The following PTPN3 variants were observed in gnomAD, a reference collection of about 807,000 sequenced individuals.
PTPN3 encodes tyrosine-protein phosphatase non-receptor type 3.
A neutral mutation model predicts 132.7 loss-of-function variants in PTPN3; 96 were observed. That is an observed-to-expected ratio of 0.72 (90% CI 0.61 to 0.86). The LOEUF is 0.86. Ranked by LOEUF, PTPN3 falls within the 40% of genes least tolerant of loss-of-function variation. The probability of loss-of-function intolerance (pLI) is 0.00; values close to 1 mark genes in which losing one functional copy is unlikely to be tolerated. For missense variants in PTPN3, 1,125 were observed against 1,159.6 expected, an observed-to-expected ratio of 0.97 and a Z score of 0.43; for synonymous variants, 398 against 429.0, an observed-to-expected ratio of 0.93 and a Z score of 0.89.
intron 1 of PTPN3, among the ~76,000 whole-genome samples, chr9:109,475,364 T>G (rs1846606710): frequency 6.6e-6 from 1 of 152,212 alleles, no homozygotes; most frequent in Non-Finnish European, 1.5e-5. Flanking sequence ...AATGAATACC[T>G]CATTCTTGGA....
At chr9:109,409,564 C>T (rs377327056) in intron 16 of PTPN3, among the ~76,000 whole-genome samples, 2 of 152,176 alleles carry the variant, frequency 1.3e-5, no homozygotes, top group Admixed American at 6.5e-5. Context: ...CGGTGGTTCA[C>T]GCCTGTAATC....
intron 15 of PTPN3, 33 bp downstream of exon 15, chr9:109,410,196 G>A (rs1180570558): frequency 1.2e-6 from 2 of 1,611,780 alleles, no homozygotes; most frequent in East Asian, 2.2e-5. Flanking sequence ...AGCCCTGGGT[G>A]TGTGGATCAC....
the PTPN3 span, among the ~76,000 whole-genome samples, chr9:109,536,991 G>A: frequency 2.0e-5 from 3 of 151,952 alleles, no homozygotes; most frequent in South Asian, 6.2e-4. Context: ...TGGAGTGTGC[G>A]TTTGAGGGAA....
At chr9:109,434,194 A>G (rs532506687) in intron 9 of PTPN3, among the ~76,000 whole-genome samples, 140 of 152,386 alleles carry the variant, frequency 9.2e-4, no homozygotes, top group African/African-American at 3.2e-3. Context: ...CCCAGGCTGG[A>G]GTGCAGTGGT....
At position 109,438,108 on chromosome 9, in the gene PTPN3, C is replaced by G. The variant is rs368373473; in HGVS notation, c.587+6G>C. The G allele has an allele frequency of 1.1e-5, 18 of 1,612,484 alleles. No homozygotes were observed. Among genetic ancestry groups the G allele is most frequent in the Admixed American group, 1.7e-5 (1 of 59,786 alleles). On this transcript the variant is annotated splice_donor_region_variant and intron_variant, in intron 8 of 25. Transcript: ENST00000374541. ...CCCCAAAGTAGGCCACCCCAGCCCC[C>G]CTCACCTGTGCTGCTCATGCAGAGA...
chr9:109,451,901 G>T (rs373070795), intron 5 of PTPN3, among the ~76,000 whole-genome samples: 1 of 152,164 alleles, frequency 6.6e-6, no homozygotes, highest in Non-Finnish European at 1.5e-5. Flanking sequence ...AGGCAGTGCC[G>T]TCCAGACTTG....
chr9:109,394,205 T>G (rs1840368159), intron 19 of PTPN3, among the ~76,000 whole-genome samples: 1 of 152,210 alleles, frequency 6.6e-6, no homozygotes, highest in Non-Finnish European at 1.5e-5. Context: ...ATTAAGTGAA[T>G]ATACAATTAA....
the PTPN3 span, among the ~76,000 whole-genome samples, chr9:109,514,061 G>A: frequency 6.6e-6 from 1 of 152,084 alleles, no homozygotes; most frequent in African/African-American, 2.4e-5. Flanking sequence ...CAAGCCGCAT[G>A]TCCCAAGATC....
intron 1 of PTPN3, among the ~76,000 whole-genome samples, chr9:109,481,962 G>C (rs1037106283): frequency 1.3e-5 from 2 of 152,200 alleles, no homozygotes; most frequent in Non-Finnish European, 2.9e-5. Flanking sequence ...AAACTCCCCC[G>C]CCTTTCGGTC....
At chr9:109,469,962 T>C (rs989476250) in intron 1 of PTPN3, among the ~76,000 whole-genome samples, 2 of 152,110 alleles carry the variant, frequency 1.3e-5, no homozygotes, top group Non-Finnish European at 2.9e-5. Context: ...CTTTTTGCAG[T>C]ATAGAAGCCC....
At chr9:109,487,960 G>C (rs530990116) in intron 1 of PTPN3, among the ~76,000 whole-genome samples, 3 of 152,190 alleles carry the variant, frequency 2.0e-5, no homozygotes, top group Non-Finnish European at 2.9e-5. Context: ...ATCCAGAAAA[G>C]AGGGAGCCGG....
chr9:109,395,830 GTA>G (rs1269000254), intron 19 of PTPN3, among the ~76,000 whole-genome samples: 1 of 141,636 alleles, frequency 7.1e-6, no homozygotes, highest in Non-Finnish European at 1.5e-5. Flanking sequence ...CTATATATAT[GTA>G]TATATTTTTT....
intron 25 of PTPN3, among the ~76,000 whole-genome samples, chr9:109,379,898 G>A (rs1379025370): frequency 3.3e-5 from 5 of 152,168 alleles, no homozygotes; most frequent in Non-Finnish European, 7.3e-5. Context: ...AAAAGTCCCT[G>A]CGGGACAGCC....
chr9:109,443,823 G>A (rs902768227), intron 7 of PTPN3, among the ~76,000 whole-genome samples: 6 of 152,186 alleles, frequency 3.9e-5, no homozygotes, highest in Non-Finnish European at 8.8e-5. Context: ...AGGAGGAGGC[G>A]ATGCAGGTAT....
chr9:109,403,514 G>C (rs994361617), intron 19 of PTPN3, among the ~76,000 whole-genome samples: 1 of 151,902 alleles, frequency 6.6e-6, no homozygotes, highest in Admixed American at 6.6e-5. Flanking sequence ...TTTATTACAG[G>C]AATTACTCTG....
At chr9:109,451,716 G>T (rs867418448) in intron 5 of PTPN3, among the ~76,000 whole-genome samples, 1 of 152,224 alleles carries the variant, frequency 6.6e-6, no homozygotes, top group Non-Finnish European at 1.5e-5. Context: ...GCGTATGGAA[G>T]TGGATGGCCA....
chr9:109,380,263 A>ATCTATCTG (rs1216729947), intron 25 of PTPN3, among the ~76,000 whole-genome samples: 1 of 150,912 alleles, frequency 6.6e-6, no homozygotes, highest in Non-Finnish European at 1.5e-5. Context: ...CTATCTATCT[A>ATCTATCTG]TCTAGTTTTC....
In PTPN3 at chr9:109,401,713, C is replaced by T. The variant is rs368906450; in HGVS notation, c.1953+2735G>A. 6.9e-4 allele frequency among the ~76,000 whole-genome samples: 105 copies of T among 152,194 alleles called. 1 individual carries two copies. The East Asian group carries it at 0.014, about 20-fold the overall frequency. ...GACGGTGGTCACCTAGAGGCATTGC[C>T]CAGGATCTGCACTGCGCTGTCCACC... On this transcript the variant is annotated intron_variant, in intron 19 of 25. Coordinates refer to ENST00000374541, the MANE Select transcript of PTPN3 (RefSeq NM_002829.4).
At chr9:109,482,694 C>T (rs1296969114) in intron 1 of PTPN3, among the ~76,000 whole-genome samples, 2 of 152,176 alleles carry the variant, frequency 1.3e-5, no homozygotes, top group African/African-American at 2.4e-5. Context: ...CCACTATCCA[C>T]TGTCTGCCCT....
Sources: allele counts gnomAD v4.1 joint callset (sites outside exome capture counted in the v4.1 genomes callset), GRCh38; gene constraint gnomAD v4.1.1; transcripts MANE v1.5; gene names NCBI Gene and HGNC (gene_info 2026-07-23, HGNC 2026-07-21).